SUGCT: variants seen among roughly 807,000 people sequenced by gnomAD.
The protein encoded by SUGCT is succinyl-CoA:glutarate CoA-transferase.
In SUGCT, 41 loss-of-function variants were observed where a neutral mutation model predicts 55.0. The ratio of observed to expected loss-of-function variants is 0.74; its 90% confidence interval spans 0.58 to 0.97. The LOEUF (loss-of-function observed/expected upper bound fraction) is 0.97. Among genes scored for constraint, SUGCT ranks in the 50% least tolerant of loss-of-function variants. The pLI is 0.00. For missense variants in SUGCT, 568 were observed against 547.8 expected (o/e 1.04, Z -0.37); for synonymous variants, 187 against 200.4 (o/e 0.93, Z 0.56).
At chr7:41,010,529 G>C in the SUGCT span, among the ~76,000 whole-genome samples, 1 of 152,192 alleles carries the variant, frequency 6.6e-6, no homozygotes, top group Non-Finnish European at 1.5e-5. Flanking sequence ...TTGAGAAACT[G>C]GTTCTGAAAA....
chr7:40,875,813 C>T, the SUGCT span, among the ~76,000 whole-genome samples: 1 of 152,200 alleles, frequency 6.6e-6, no homozygotes, highest in Non-Finnish European at 1.5e-5. Flanking sequence ...TTAGAATGAG[C>T]ATGGGACCTA....
intron 12 of SUGCT, among the ~76,000 whole-genome samples, chr7:40,541,625 T>C (rs1462906838): frequency 6.6e-6 from 1 of 152,124 alleles, no homozygotes; most frequent in African/African-American, 2.4e-5. Flanking sequence ...TCCAGTAATA[T>C]AAATGAGAAT....
chr7:40,717,779 G>A (rs569837430), intron 12 of SUGCT, among the ~76,000 whole-genome samples: 55 of 152,086 alleles, frequency 3.6e-4, no homozygotes, highest in Admixed American at 9.8e-4. Context: ...TCACTGCATC[G>A]TTTGGTTCCA....
chr7:40,551,363 A>T (rs1490230612), intron 12 of SUGCT, among the ~76,000 whole-genome samples: 1 of 152,194 alleles, frequency 6.6e-6, no homozygotes, highest in African/African-American at 2.4e-5. Flanking sequence ...ATTGACTTCC[A>T]GGCTGAATGC....
chr7:40,836,645 A>G (rs1045671372), intron 13 of SUGCT, among the ~76,000 whole-genome samples: 2 of 152,110 alleles, frequency 1.3e-5, no homozygotes, highest in African/African-American at 4.8e-5. Context: ...TCAACCACTA[A>G]TTGTTCTTCA....
At chr7:40,453,837 G>C (rs186080917) in intron 10 of SUGCT, among the ~76,000 whole-genome samples, 1 of 152,298 alleles carries the variant, frequency 6.6e-6, no homozygotes, top group African/African-American at 2.4e-5. Flanking sequence ...CCAACGCGAA[G>C]ATGACACAGA....
At chr7:40,924,294 G>GTGTGTGTGTGTGTGTGTA in the SUGCT span, among the ~76,000 whole-genome samples, 3 of 151,798 alleles carry the variant, frequency 2.0e-5, no homozygotes, top group African/African-American at 7.3e-5. Context: ...GTGTGTGTGT[G>GTGTGTGTGTGTGTGTGTA]TAGTGGCATG....
the SUGCT span, among the ~76,000 whole-genome samples, chr7:41,009,360 A>G: frequency 6.6e-6 from 1 of 152,210 alleles, no homozygotes; most frequent in Non-Finnish European, 1.5e-5. Context: ...CTTCATAAAA[A>G]TTAGAGGAAG....
At chr7:40,850,771 T>G (rs1268405862) in intron 13 of SUGCT, among the ~76,000 whole-genome samples, 1 of 152,246 alleles carries the variant, frequency 6.6e-6, no homozygotes, top group African/African-American at 2.4e-5. Flanking sequence ...CAATTAAAGA[T>G]TTCTACAAGT....
intron 12 of SUGCT, among the ~76,000 whole-genome samples, chr7:40,630,411 A>G (rs1015587952): frequency 2.6e-5 from 4 of 152,200 alleles, no homozygotes; most frequent in Admixed American, 2.6e-4. Flanking sequence ...GCCTGACCCA[A>G]TGGAGAACAG....
the SUGCT span, among the ~76,000 whole-genome samples, chr7:40,988,097 A>AT: frequency 1.3e-5 from 2 of 151,884 alleles, no homozygotes; most frequent in Admixed American, 1.3e-4. Context: ...AGCATGGCAT[A>AT]TGTAATAGGC....
At chr7:40,227,880 T>A (rs904518611) in intron 6 of SUGCT, among the ~76,000 whole-genome samples, 19 of 144,836 alleles carry the variant, frequency 1.3e-4, no homozygotes, top group South Asian at 2.1e-4. Context: ...ATTTATATAT[T>A]TATTTATTTA....
intron 12 of SUGCT, among the ~76,000 whole-genome samples, chr7:40,746,016 C>T (rs182761834): frequency 1.6e-4 from 24 of 152,234 alleles, no homozygotes; most frequent in Middle Eastern, 3.4e-3. Flanking sequence ...ATTTAGTAAC[C>T]ATTCACCAAA....
chr7:40,350,471 A>G (rs1583485667), intron 9 of SUGCT, among the ~76,000 whole-genome samples: 1 of 149,414 alleles, frequency 6.7e-6, no homozygotes, highest in African/African-American at 2.5e-5. Flanking sequence ...CCACCGCCAC[A>G]CCTGGCTAAT....
chr7:40,518,593 G>A (rs1465238835), intron 12 of SUGCT, among the ~76,000 whole-genome samples: 1 of 152,088 alleles, frequency 6.6e-6, no homozygotes, highest in Non-Finnish European at 1.5e-5. Flanking sequence ...TATATATGAT[G>A]TTCTAGAAGC....
chr7:40,966,593 G>A, the SUGCT span: 1 of 152,164 alleles, frequency 6.6e-6, no homozygotes, highest in Non-Finnish European at 1.5e-5. Flanking sequence ...GTGTCCTGTG[G>A]TTGAGATATA....
the SUGCT span, among the ~76,000 whole-genome samples, chr7:40,950,298 A>G: frequency 6.6e-6 from 1 of 152,122 alleles, no homozygotes; most frequent in African/African-American, 2.4e-5. Flanking sequence ...ATTTTTGCAC[A>G]TTGATTTTGT....
intron 9 of SUGCT, among the ~76,000 whole-genome samples, chr7:40,422,137 G>A (rs1185731950): frequency 2.6e-5 from 4 of 150,958 alleles, no homozygotes; most frequent in African/African-American, 7.3e-5. Flanking sequence ...TGGATTTAAA[G>A]GCTTCTAAAT....
intron 13 of SUGCT, 26 bp from the exon 14 acceptor site, chr7:40,860,290 T>C: frequency 6.2e-7 from 1 of 1,613,834 alleles, no homozygotes; most frequent in Non-Finnish European, 8.5e-7. Flanking sequence ...ATTAACAGGC[T>C]TCCTGCTTTC....
Sources: allele counts gnomAD v4.1 joint callset (sites outside exome capture counted in the v4.1 genomes callset), GRCh38; gene constraint gnomAD v4.1.1; transcripts MANE v1.5; gene names NCBI Gene and HGNC (gene_info 2026-07-23, HGNC 2026-07-21).